Variants in COL6A2 observed in about 807,000 individuals in gnomAD.
The protein encoded by COL6A2 is collagen type VI alpha 2 chain.
A neutral mutation model predicts 124.9 loss-of-function variants in COL6A2; 90 were observed. The observed-to-expected ratio is 0.72, with a 90% CI of 0.61 to 0.86. The LOEUF (loss-of-function observed/expected upper bound fraction) is 0.86. Among genes scored for constraint, COL6A2 ranks in the 40% least tolerant of loss-of-function variants. The probability of loss-of-function intolerance (pLI) is 0.00; values close to 1 mark genes in which losing one functional copy is unlikely to be tolerated. For synonymous variants in COL6A2, 793 were observed against 618.2 expected (o/e 1.28, Z -4.19); for missense variants, 1,607 against 1,502.5 (o/e 1.07, Z -1.15).
intron 13 of COL6A2, 58 bp downstream of exon 13, chr21:46,118,734 C>G: frequency 1.9e-6 from 3 of 1,547,842 alleles, no homozygotes; most frequent in Middle Eastern, 1.7e-4. Context: ...GCCCATGGCC[C>G]AGATGAACAG....
Position 46,132,256 on chromosome 21 carries a change from G to A in COL6A2, c.2764G>A (p.Val922Met). The change falls in exon 28 of 28, where the codon GTG (valine) becomes ATG (methionine). Residue 922 changes from valine (V) to methionine (M), a missense_variant. Coordinates refer to ENST00000300527, the MANE Select transcript of COL6A2 (RefSeq NM_001849.4). ...CTTCTCGCACGTGGGCGCAGGCGTG[G>A]TGCACGCCATCAATGCCATCGTGCG... is the stretch of plus-strand genomic sequence containing the variant. ...NSFSHVGAGV[V>M]HAINAIVRSP... 6.2e-7 allele frequency: 1 copy of A among 1,605,890 alleles called. No individual in the cohort carries two copies. The highest frequency in any genetic ancestry group is 8.5e-7 in the Non-Finnish European group (1 of 1,178,184).
intron 27 of COL6A2, chr21:46,129,318 C>T (rs772265923): frequency 2.0e-5 from 32 of 1,612,930 alleles, no homozygotes; most frequent in Non-Finnish European, 2.7e-5. Context: ...GGAGCTCACG[C>T]AGGACCCGGC....
rs764935799 is a variant in COL6A2 at position 46,119,083 on chromosome 21, G to A, written c.1233G>A (p.Lys411=). Residue 411 remains lysine (K), a synonymous_variant, in exon 14 of 28, where the codon AAG becomes AAA. Coordinates refer to ENST00000300527, the MANE Select transcript of COL6A2 (RefSeq NM_001849.4). Reference sequence around the variant, plus strand: ...GAAGTCCTGGTGTGAAAGGAGCCAAGGGCGGGCCTGGGCCCCGCGGACCCA... The same window carrying A: ...GAAGTCCTGGTGTGAAAGGAGCCAAAGGCGGGCCTGGGCCCCGCGGACCCA... ...APGSPGVKGA[K]GGPGPRGPKG... 7 of 1,611,924 alleles carry A rather than the reference G, an allele frequency of 4.3e-6. No homozygotes were observed. The African/African-American group carries it at 8.0e-5, about 18-fold the overall frequency.
chr21:46,113,545 G>C (rs531151292), intron 4 of COL6A2: 4 of 196,314 alleles, frequency 2.0e-5, no homozygotes, highest in Non-Finnish European at 4.2e-5. Context: ...CCTGGTGTGC[G>C]CATGTAGTTC....
intron 16 of COL6A2, 73 bp from the exon 17 acceptor site, chr21:46,120,988 C>T (rs1231989252): frequency 1.2e-5 from 18 of 1,442,984 alleles, no homozygotes; most frequent in Non-Finnish European, 1.8e-5. Flanking sequence ...GCAGTGTCCA[C>T]AGGATTGATA....
chr21:46,124,736 T>A, intron 22 of COL6A2, 23 bp downstream of exon 22: 1 of 1,611,110 alleles, frequency 6.2e-7, no homozygotes, highest in Non-Finnish European at 8.5e-7. Context: ...CCAGTCCCCA[T>A]GCCCTCCCCC....
intron 27 of COL6A2, among the ~76,000 whole-genome samples, chr21:46,127,853 C>T (rs1021077814): frequency 6.6e-6 from 1 of 152,150 alleles, no homozygotes; most frequent in Non-Finnish European, 1.5e-5. Context: ...CCTCTTTAGC[C>T]TATCATTGTA....
rs2078522078 is a variant in COL6A2, at chr21:46,119,128, C to T, written c.1269+9C>T. 2.5e-6 allele frequency: 4 copies of T among 1,605,724 alleles called. No homozygotes were observed. Among genetic ancestry groups the T allele is most frequent in the Non-Finnish European group, 2.6e-6 (3 of 1,175,592 alleles). On this transcript the variant is annotated intron_variant, in intron 14 of 27. Transcript: ENST00000300527. ...GACCCAAAGGCGAGCCGGTGAGTCC[C>T]TCCTGCCCCTGCCTCAGGGCCCCGC...
chr21:46,118,910 G>T (rs1206636219), intron 13 of COL6A2, 120 bp from the exon 14 acceptor site: 2 of 983,786 alleles, frequency 2.0e-6, no homozygotes, highest in South Asian at 2.7e-5. Flanking sequence ...GGGCCCCCAT[G>T]TGCCTGGCAA....
rs2078420034 is a variant in COL6A2, at chr21:46,112,596, C to T, written c.714+19C>T. ...GGTCATGGTGAGCCGCGGGCGGGAG[C>T]ACCGTCCACGCGCCAGGGGTGGCCA... On this transcript the variant is annotated intron_variant, in intron 3 of 27. Transcript: ENST00000300527. The T allele has an allele frequency of 2.5e-6, 4 of 1,610,838 alleles. No homozygotes were observed. Among genetic ancestry groups the T allele is most frequent in the Non-Finnish European group, 3.4e-6 (4 of 1,179,234 alleles).
Position 46,119,221 on chromosome 21 carries a change from C to T in COL6A2, c.1269+102C>T, listed in dbSNP as rs2078523450. On this transcript the variant is annotated intron_variant, in intron 14 of 27. Transcript: ENST00000300527. ...GGGCACCTGGGCTGTAGGCAGGATCCCCTGCTGGCAAGGCACAGCCAGGCC... is the reference window on the plus strand; with the variant it reads ...GGGCACCTGGGCTGTAGGCAGGATCTCCTGCTGGCAAGGCACAGCCAGGCC... The T allele has an allele frequency of 4.3e-6, 4 of 920,386 alleles. No individual in the cohort carries two copies. The Admixed American group carries it at 8.3e-5, about 19-fold the overall frequency. 57.0% of individuals were successfully genotyped at this position (920,386 alleles called of 1,614,324 possible).
rs1349544991 is a variant in COL6A2, at chr21:46,116,022, T to A, written c.869T>A (p.Ile290Asn). ...TGTCCTTCACAGGGAGACCCGGGCATCGAAGGCCCCATTGGATTCCCAGGA... is the reference window on the plus strand; with the variant it reads ...TGTCCTTCACAGGGAGACCCGGGCAACGAAGGCCCCATTGGATTCCCAGGA... ...GQKGRQGDPG[I>N]EGPIGFPGPK... The change falls in exon 7 of 28, where the codon ATC (isoleucine) becomes AAC (asparagine). Residue 290 changes from isoleucine (I) to asparagine (N), a missense_variant. Coordinates refer to ENST00000300527, the MANE Select transcript of COL6A2 (RefSeq NM_001849.4). The surrounding 1 kb of genome is among the most constrained non-coding windows in gnomAD (Gnocchi z 4.6). The A allele has an allele frequency of 2.5e-6, 4 of 1,606,108 alleles. No homozygotes were observed. Among genetic ancestry groups the A allele is most frequent in the Non-Finnish European group, 3.4e-6 (4 of 1,176,950 alleles).
At chr21:46,099,870 C>T (rs1282152818) in intron 1 of COL6A2, among the ~76,000 whole-genome samples, 1 of 138,542 alleles carries the variant, frequency 7.2e-6, no homozygotes, top group African/African-American at 2.6e-5. Flanking sequence ...CCTGTCTCCA[C>T]AATGGATAGC....
In COL6A2 at chr21:46,124,722, G is replaced by T; in HGVS notation, c.1734+9G>T. 1 of 1,612,434 alleles carries T rather than the reference G, an allele frequency of 6.2e-7. No homozygotes were observed. The highest frequency in any genetic ancestry group is 1.1e-5 in the South Asian group (1 of 91,058). On this transcript the variant is annotated intron_variant, in intron 22 of 27. Transcript: ENST00000300527. ...GAGTCCCAGGACCCGAGGTAGGTTG[G>T]TGGCCAGTCCCCATGCCCTCCCCCC...
intron 27 of COL6A2, chr21:46,129,886 A>T: frequency 9.9e-7 from 1 of 1,010,400 alleles, no homozygotes; most frequent in Non-Finnish European, 1.2e-6. Context: ...GGAGGCCCTT[A>T]CTTAGCGGCC....
At chr21:46,123,678 T>C (rs1447182707) in intron 21 of COL6A2, among the ~76,000 whole-genome samples, 4 of 86,828 alleles carry the variant, frequency 4.6e-5, no homozygotes, top group African/African-American at 1.7e-4. Context: ...AGTAGATGTA[T>C]GGGTGAGTAG....
At chr21:46,121,410 G>A in intron 17 of COL6A2, 146 bp from the exon 18 acceptor site, 1 of 836,476 alleles carries the variant, frequency 1.2e-6, no homozygotes, top group Non-Finnish European at 2.0e-6. Context: ...GGACCCTCAA[G>A]ACAGAGGTCC....
Position 46,113,849 on chromosome 21 carries a change from A to G in COL6A2, c.736-159A>G. ...TGGGGGCAGAGCCTCACAGCACCCC[A>G]TGTCTCACAGCTCCCTCACGCCCGC... On this transcript the variant is annotated intron_variant, in intron 4 of 27. Transcript: ENST00000300527. The G allele has an allele frequency of 5.7e-6, 4 of 701,464 alleles. No individual in the cohort carries two copies. The South Asian group carries it at 6.0e-5, about 11-fold the overall frequency. The allele number at this position is 701,464 out of a possible 1,614,324, so 43.5% of individuals were successfully genotyped here. A position where few individuals can be genotyped will look rare whatever the true frequency, so the allele number is the denominator to read the frequency against.
At chr21:46,108,531 C>CTA in intron 1 of COL6A2, among the ~76,000 whole-genome samples, 1 of 152,228 alleles carries the variant, frequency 6.6e-6, no homozygotes, top group East Asian at 1.9e-4. Context: ...AATGTATATC[C>CTA]TTTATAGAGT....
Sources: allele counts gnomAD v4.1 joint callset (sites outside exome capture counted in the v4.1 genomes callset), GRCh38; gene constraint gnomAD v4.1.1; non-coding constraint Gnocchi (gnomAD v3.1); transcripts MANE v1.5; gene names NCBI Gene and HGNC (gene_info 2026-07-23, HGNC 2026-07-21).